Variants in CACNA2D3 observed in about 807,000 individuals in gnomAD.
CACNA2D3 encodes calcium voltage-gated channel auxiliary subunit alpha2delta 3, also known as voltage-dependent calcium channel subunit alpha-2/delta-3.
CACNA2D3 carries 60 observed loss-of-function variants against 160.6 expected under a neutral mutation model. The observed-to-expected ratio is 0.37, with a 90% CI of 0.30 to 0.46. The LOEUF (loss-of-function observed/expected upper bound fraction) is 0.46, where lower values mean the gene tolerates loss of function less well. Among genes scored for constraint, CACNA2D3 ranks in the 20% least tolerant of loss-of-function variants. CACNA2D3 has a pLI of 1.00. For missense variants in CACNA2D3, 1,205 were observed against 1,365.0 expected, an observed-to-expected ratio of 0.88 and a Z score of 1.85; for synonymous variants, 558 against 492.9, an observed-to-expected ratio of 1.13 and a Z score of -1.75.
intron 2 of CACNA2D3, among the ~76,000 whole-genome samples, chr3:54,276,278 C>T (rs550190845): frequency 5.9e-5 from 9 of 152,056 alleles, no homozygotes; most frequent in Middle Eastern, 3.4e-3. Context: ...GATAAGAAAA[C>T]GAAGAAAGAG....
At chr3:54,643,133 A>G (rs74585688) in intron 11 of CACNA2D3, among the ~76,000 whole-genome samples, 2 of 134,454 alleles carry the variant, frequency 1.5e-5, no homozygotes, top group Admixed American at 1.5e-4. Context: ...CTGACTGTCT[A>G]TAGGTACACG....
chr3:54,649,635 C>T (rs890072327), intron 11 of CACNA2D3, among the ~76,000 whole-genome samples: 10 of 152,166 alleles, frequency 6.6e-5, no homozygotes, highest in South Asian at 2.1e-4. Flanking sequence ...CCTCACCTGG[C>T]ATTGAGTCAA....
At chr3:54,486,597 G>A (rs1701018764) in intron 4 of CACNA2D3, among the ~76,000 whole-genome samples, 1 of 152,206 alleles carries the variant, frequency 6.6e-6, no homozygotes, top group African/African-American at 2.4e-5. Flanking sequence ...GCCAGCTCAT[G>A]ACTCTGTTTC....
intron 3 of CACNA2D3, among the ~76,000 whole-genome samples, chr3:54,344,030 G>T (rs181115554): frequency 6.0e-4 from 91 of 152,094 alleles, no homozygotes; most frequent in Middle Eastern, 3.4e-3. Context: ...AAAAATTCAG[G>T]GACAGTTTAA....
At chr3:54,429,351 GT>G (rs536881669) in intron 4 of CACNA2D3, among the ~76,000 whole-genome samples, 9 of 152,244 alleles carry the variant, frequency 5.9e-5, no homozygotes, top group African/African-American at 1.9e-4. Context: ...ATGGCAAGCA[GT>G]TTTTTTCCTT....
At chr3:54,625,761 C>T (rs1207355259) in intron 9 of CACNA2D3, among the ~76,000 whole-genome samples, 1 of 152,190 alleles carries the variant, frequency 6.6e-6, no homozygotes, top group Non-Finnish European at 1.5e-5. Context: ...CTGCCCAGCT[C>T]AATGACTGGG....
chr3:54,150,221 T>G (rs958941784), intron 2 of CACNA2D3, among the ~76,000 whole-genome samples: 3 of 152,084 alleles, frequency 2.0e-5, no homozygotes, highest in African/African-American at 7.2e-5. Context: ...AGTTTTAGGA[T>G]GCAGTTTACC....
chr3:54,610,756 A>G (rs1698735607), intron 9 of CACNA2D3, among the ~76,000 whole-genome samples: 2 of 152,142 alleles, frequency 1.3e-5, no homozygotes, highest in South Asian at 2.1e-4. Context: ...CAGCCTCCCA[A>G]GTAGCTGGTA....
At chr3:54,579,079 T>G (rs926652340) in intron 8 of CACNA2D3, among the ~76,000 whole-genome samples, 1 of 152,082 alleles carries the variant, frequency 6.6e-6, no homozygotes, top group Non-Finnish European at 1.5e-5. Flanking sequence ...CAGGAATCAA[T>G]TTTGAGAGTG....
At chr3:54,169,971 T>C (rs1700533742) in intron 2 of CACNA2D3, among the ~76,000 whole-genome samples, 1 of 152,020 alleles carries the variant, frequency 6.6e-6, no homozygotes, top group South Asian at 2.1e-4. Flanking sequence ...GCTGATCACC[T>C]GATGTCAAGA....
At chr3:54,941,362 C>G (rs989544448) in intron 27 of CACNA2D3, among the ~76,000 whole-genome samples, 15 of 152,118 alleles carry the variant, frequency 9.9e-5, no homozygotes, top group Non-Finnish European at 1.9e-4. Flanking sequence ...ATGAAGTAAG[C>G]CCCCTGTGTG....
intron 4 of CACNA2D3, among the ~76,000 whole-genome samples, chr3:54,411,957 T>A (rs904077901): frequency 6.6e-6 from 1 of 151,908 alleles, no homozygotes; most frequent in African/African-American, 2.4e-5. Context: ...AACTTGAAGT[T>A]TGACTTCATA....
At chr3:54,931,515 AG>A (rs1269958468) in intron 27 of CACNA2D3, among the ~76,000 whole-genome samples, 7 of 152,152 alleles carry the variant, frequency 4.6e-5, no homozygotes, top group African/African-American at 1.2e-4. Context: ...GCTTGCAAAA[AG>A]AGGAACCAAG....
intron 2 of CACNA2D3, among the ~76,000 whole-genome samples, chr3:54,163,390 T>A (rs910672272): frequency 1.3e-5 from 2 of 152,168 alleles, no homozygotes; most frequent in Non-Finnish European, 2.9e-5. Flanking sequence ...CTTTTCCACG[T>A]TCCTTTCATC....
chr3:55,016,765 A>G (rs1703334779), intron 34 of CACNA2D3, among the ~76,000 whole-genome samples: 1 of 152,224 alleles, frequency 6.6e-6, no homozygotes, highest in Non-Finnish European at 1.5e-5. Flanking sequence ...GTTTTAAATA[A>G]CAAAGATTAC....
chr3:54,345,938 C>T (rs571880350), intron 3 of CACNA2D3, among the ~76,000 whole-genome samples: 1 of 152,026 alleles, frequency 6.6e-6, no homozygotes, highest in South Asian at 2.1e-4. Context: ...GGAAATTTCC[C>T]ACTTGTGTCA....
At chr3:54,239,638 C>G (rs1701941365) in intron 2 of CACNA2D3, among the ~76,000 whole-genome samples, 1 of 152,182 alleles carries the variant, frequency 6.6e-6, no homozygotes, top group African/African-American at 2.4e-5. Context: ...TACTGGGTGC[C>G]ATGGTTCAGA....
intron 4 of CACNA2D3, among the ~76,000 whole-genome samples, chr3:54,500,325 A>T (rs964410528): frequency 2.0e-5 from 3 of 152,148 alleles, no homozygotes; most frequent in African/African-American, 7.2e-5. Context: ...AAATATAGTT[A>T]GGTCTTGTAT....
At chr3:54,435,097 G>T (rs1008134440) in intron 4 of CACNA2D3, among the ~76,000 whole-genome samples, 1 of 152,058 alleles carries the variant, frequency 6.6e-6, no homozygotes, top group African/African-American at 2.4e-5. Flanking sequence ...GGGAGGTAGG[G>T]CTACTCAGTC....
Sources: allele counts gnomAD v4.1 joint callset (sites outside exome capture counted in the v4.1 genomes callset), GRCh38; gene constraint gnomAD v4.1.1; transcripts MANE v1.5; gene names NCBI Gene and HGNC (gene_info 2026-07-23, HGNC 2026-07-21).